Variants in POLH observed in about 807,000 individuals in gnomAD.
POLH encodes the protein DNA polymerase eta, also known as DNA polymerase eta transcript.
POLH carries 53 observed loss-of-function variants against 73.6 expected under a neutral mutation model. That is an observed-to-expected ratio of 0.72 (90% CI 0.58 to 0.91). POLH has a LOEUF of 0.91. Ranked by LOEUF, POLH falls within the 40% of genes least tolerant of loss-of-function variation. The pLI is 0.00. For synonymous variants in POLH, 292 were observed against 308.5 expected (o/e 0.95, Z 0.56); for missense variants, 768 against 865.4 (o/e 0.89, Z 1.41).
intron 3 of POLH, among the ~76,000 whole-genome samples, chr6:43,584,673 A>T (rs1258232100): frequency 6.6e-6 from 1 of 152,104 alleles, no homozygotes; most frequent in East Asian, 1.9e-4. Context: ...GCTCAATACC[A>T]CAAGAACACC....
At chr6:43,578,819 TTGTC>T (rs1467194054) in intron 1 of POLH, among the ~76,000 whole-genome samples, 1 of 152,232 alleles carries the variant, frequency 6.6e-6, no homozygotes, top group East Asian at 1.9e-4. Context: ...TACTTGAGAT[TTGTC>T]TGTCAACTGA....
In POLH at chr6:43,587,292, A is replaced by G. The variant is rs1365507735; in HGVS notation, c.293A>G (p.Glu98Gly). Residue 98 changes from glutamate (E) to glycine (G), a missense_variant, in exon 4 of 11, where the codon GAA becomes GGA. Transcript: ENST00000372236. ...CTTAGGTACCGGGAAGCCAGTGTTGAAGTGATGGAGATAATGTCTCGTTTT... is the reference window on the plus strand; with the variant it reads ...CTTAGGTACCGGGAAGCCAGTGTTGGAGTGATGGAGATAATGTCTCGTTTT... Reference protein sequence around the residue: ...NLTKYREASVEVMEIMSRFAV... With the variant: ...NLTKYREASVGVMEIMSRFAV... 1 of 1,614,016 alleles carries G rather than the reference A, an allele frequency of 6.2e-7. No individual in the cohort carries two copies. The highest frequency in any genetic ancestry group is 8.5e-7 in the Non-Finnish European group (1 of 1,179,900).
In POLH at chr6:43,582,422, GC is replaced by G; in HGVS notation, c.104del (p.Ala35GlufsTer13). On this transcript the variant is annotated frameshift_variant, in exon 2 of 11. Transcript: ENST00000372236. LOFTEE classifies it high-confidence loss of function. ...QNPHLRNKPCAVVQYKSWKGG... is the reference protein window; with the variant it reads ...QNPHLRNKPCXVVQYKSWKGG... ...TCCTCATTTGAGGAATAAACCTTGT[GC>G]AGTTGTACAGTACAAATCATGGAAG... The G allele has an allele frequency of 6.2e-7, 1 of 1,613,876 alleles. No individual in the cohort carries two copies. The highest frequency in any genetic ancestry group is 8.5e-7 in the Non-Finnish European group (1 of 1,179,786).
chr6:43,584,912 A>G (rs1185046255), intron 3 of POLH, among the ~76,000 whole-genome samples: 1 of 152,164 alleles, frequency 6.6e-6, no homozygotes, highest in Non-Finnish European at 1.5e-5. Context: ...AGGCTGAGAC[A>G]GGAGGATTGC....
chr6:43,607,243 C>G (rs141861785), intron 9 of POLH, among the ~76,000 whole-genome samples: 1 of 152,078 alleles, frequency 6.6e-6, no homozygotes, highest in Non-Finnish European at 1.5e-5. Context: ...TATAGGCACG[C>G]GCCACCACGC....
intron 1 of POLH, chr6:43,578,309 C>T (rs1276521494): frequency 2.8e-5 from 9 of 323,502 alleles, no homozygotes; most frequent in Non-Finnish European, 4.8e-5. Context: ...ATCGCTTGAA[C>T]CCGGGAGGCG....
In POLH at chr6:43,614,647, G is replaced by A; in HGVS notation, c.*90G>A. 8.4e-7 allele frequency: 1 copy of A among 1,189,402 alleles called. No individual in the cohort carries two copies. The highest frequency in any genetic ancestry group is 1.4e-5 in the South Asian group (1 of 72,960). 73.7% of individuals were successfully genotyped at this position (1,189,402 alleles called of 1,614,324 possible). A position where few individuals can be genotyped will look rare whatever the true frequency, so the allele number is the denominator to read the frequency against. ...ATTTTATCTTTACAGATTTCCCTGA[G>A]AAAGGGAATTATGAAATTTTTAATA... is the stretch of plus-strand genomic sequence containing the variant. On this transcript the variant is annotated 3_prime_UTR_variant, in exon 11 of 11. Transcript: ENST00000372236.
intron 4 of POLH, among the ~76,000 whole-genome samples, chr6:43,590,476 T>C (rs1251089373): frequency 1.3e-5 from 2 of 151,962 alleles, no homozygotes; most frequent in Non-Finnish European, 2.9e-5. Context: ...GTTTTTGTTT[T>C]TCTTTGAGAC....
chr6:43,581,578 C>A (rs1561896178), intron 1 of POLH, among the ~76,000 whole-genome samples: 1 of 150,444 alleles, frequency 6.6e-6, no homozygotes, highest in South Asian at 2.1e-4. Flanking sequence ...GGGGCCCGTC[C>A]GCTCCTCCAG....
chr6:43,585,655 G>GTTTGTT, intron 3 of POLH, among the ~76,000 whole-genome samples: 1 of 52,544 alleles, frequency 1.9e-5, no homozygotes, highest in South Asian at 5.2e-4. Context: ...TTTTTTTTTT[G>GTTTGTT]TGGGTGGGGG....
In POLH at chr6:43,620,171, C is replaced by T. The variant is rs563340213; in HGVS notation, c.*5614C>T. 2.1e-6 allele frequency: 1 copy of T among 468,510 alleles called. No individual in the cohort carries two copies. Among genetic ancestry groups the T allele is most frequent in the South Asian group, 1.6e-5 (1 of 62,402 alleles). 29.0% of individuals were successfully genotyped at this position (468,510 alleles called of 1,614,324 possible). ...TAAGTAGCTGGCACTGTATCTCTGC[C>T]AGGGCACAGAAGTGGGCTCCTTACT... On this transcript the variant is annotated 3_prime_UTR_variant, in exon 11 of 11. Coordinates refer to ENST00000372236, the MANE Select transcript of POLH (RefSeq NM_006502.3).
In POLH at chr6:43,578,837, C is replaced by T. The variant is rs572125728; in HGVS notation, c.-5+2397C>T. On this transcript the variant is annotated intron_variant, in intron 1 of 10. Coordinates refer to ENST00000372236, the MANE Select transcript of POLH (RefSeq NM_006502.3). ...TTGAGATTTGTCTGTCAACTGATTC[C>T]GTATTGGTTCTCTTCCCCTGGTGAT... Among the ~76,000 whole-genome samples the T allele has an allele frequency of 7.2e-5, 11 of 152,186 alleles. No homozygotes were observed. The South Asian group carries it at 1.9e-3, about 26-fold the overall frequency.
intron 3 of POLH, among the ~76,000 whole-genome samples, chr6:43,585,187 C>G (rs1764665493): frequency 2.0e-5 from 3 of 152,068 alleles, no homozygotes; most frequent in Non-Finnish European, 2.9e-5. Flanking sequence ...ATATATAGAG[C>G]AAGGCATGTG....
At chr6:43,593,172 T>C (rs1354286459) in intron 4 of POLH, among the ~76,000 whole-genome samples, 3 of 152,206 alleles carry the variant, frequency 2.0e-5, no homozygotes, top group Non-Finnish European at 2.9e-5. Context: ...CTTTATCTTA[T>C]AATGATCATA....
chr6:43,587,010 CATAGTCT>C (rs1745681688), intron 3 of POLH, among the ~76,000 whole-genome samples: 2 of 152,152 alleles, frequency 1.3e-5, no homozygotes, highest in Non-Finnish European at 2.9e-5. Context: ...TAGACGTGTT[CATAGTCT>C]GAATGCTTTC....
At chr6:43,610,882 T>C (rs1311206557) in intron 10 of POLH, among the ~76,000 whole-genome samples, 159 bp downstream of exon 10, 1 of 152,236 alleles carries the variant, frequency 6.6e-6, no homozygotes. Context: ...TGCTTTTATG[T>C]ACAGATTAGT....
At chr6:43,591,336 G>T (rs755148165) in intron 4 of POLH, 23 of 151,868 alleles carry the variant, frequency 1.5e-4, no homozygotes, top group Non-Finnish European at 2.6e-4. Context: ...GTTTCCATAT[G>T]CAACACTGAT....
At chr6:43,600,908 T>A in intron 5 of POLH, 80 bp from the exon 6 acceptor site, 1 of 851,592 alleles carries the variant, frequency 1.2e-6, no homozygotes, top group Non-Finnish European at 2.1e-6. Context: ...TCTGTGTGTG[T>A]GTATGTTATG....
intron 8 of POLH, 54 bp from the exon 9 acceptor site, chr6:43,605,200 C>A: frequency 9.8e-7 from 1 of 1,022,656 alleles, no homozygotes; most frequent in South Asian, 1.3e-5. Context: ...CCATCTAGTT[C>A]TTAATAGACT....
Sources: gnomAD v4.1 joint callset for allele counts (sites outside exome capture counted in the v4.1 genomes callset) on GRCh38, gnomAD v4.1.1 for gene constraint, MANE v1.5 for transcripts, NCBI Gene and HGNC (gene_info 2026-07-23, HGNC 2026-07-21) for gene names.